Variants in ARSG observed in about 807,000 individuals in gnomAD.
ARSG encodes the protein arylsulfatase G.
ARSG carries 37 observed loss-of-function variants against 50.5 expected under a neutral mutation model. The observed-to-expected ratio is 0.73, with a 90% CI of 0.56 to 0.96. The LOEUF (loss-of-function observed/expected upper bound fraction) is 0.96, where lower values mean the gene tolerates loss of function less well. Among genes scored for constraint, ARSG ranks in the 50% least tolerant of loss-of-function variants. The pLI is 0.00. For synonymous variants in ARSG, 225 were observed against 254.6 expected, an observed-to-expected ratio of 0.88 and a Z score of 1.11; for missense variants, 629 against 675.3, an observed-to-expected ratio of 0.93 and a Z score of 0.76.
chr17:68,279,233 G>A (rs2075619064), intron 1 of ARSG, among the ~76,000 whole-genome samples: 1 of 152,018 alleles, frequency 6.6e-6, no homozygotes, highest in Admixed American at 6.6e-5. Context: ...CATTGGCGGT[G>A]CATCCAGCAC....
intron 5 of ARSG, among the ~76,000 whole-genome samples, chr17:68,352,825 C>G (rs983832698): frequency 1.2e-4 from 18 of 152,016 alleles, no homozygotes; most frequent in Non-Finnish European, 2.6e-4. Flanking sequence ...TCTTTCTCCA[C>G]TTTCTCTTTA....
In ARSG at chr17:68,343,146, T is replaced by G. The variant is rs780363714; in HGVS notation, c.219-458T>G. ...CTGAAACCCAGAAATCCTATTTCCT[T>G]TTTTTGTTTTGTTTTGTTTTCTTTT... On this transcript the variant is annotated intron_variant, in intron 2 of 11. Transcript: ENST00000621439. Among the ~76,000 whole-genome samples the G allele has an allele frequency of 5.3e-4, 81 of 152,168 alleles. 1 individual carries two copies. Among genetic ancestry groups the G allele is most frequent in the Non-Finnish European group, 8.4e-4 (57 of 67,984 alleles).
At chr17:68,331,253 C>CTTTG in intron 2 of ARSG, among the ~76,000 whole-genome samples, 1 of 124,240 alleles carries the variant, frequency 8.0e-6, no homozygotes, top group Admixed American at 8.2e-5. Context: ...TTCTTTCTTT[C>CTTTG]TTTCTTTCTT....
the ARSG span, chr17:68,428,765 G>T: frequency 7.7e-7 from 1 of 1,304,794 alleles, no homozygotes; most frequent in African/African-American, 1.5e-5. Context: ...GTCGTTCTTG[G>T]CGAAGGGACA....
rs1348266984 is a variant in ARSG, at chr17:68,396,523, C to T, written c.1212+1330C>T. Reference sequence around the variant, plus strand: ...GAGGAAGCAGGAGGAGGCAAGGAGGCGGAAGGAGCACAGAGTCCCCTCTGC... The same window carrying T: ...GAGGAAGCAGGAGGAGGCAAGGAGGTGGAAGGAGCACAGAGTCCCCTCTGC... On this transcript the variant is annotated intron_variant, in intron 10 of 11. Coordinates refer to ENST00000621439, the MANE Select transcript of ARSG (RefSeq NM_001267727.2). Among the ~76,000 whole-genome samples the T allele has an allele frequency of 2.0e-5, 3 of 152,102 alleles. No individual in the cohort carries two copies. In the South Asian group the frequency reaches 6.2e-4, roughly 32 times the overall value.
chr17:68,276,928 G>A (rs551468838), intron 1 of ARSG, among the ~76,000 whole-genome samples: 1 of 152,272 alleles, frequency 6.6e-6, no homozygotes, highest in South Asian at 2.1e-4. Context: ...TTTATTTTAT[G>A]CGATTGGGTC....
intron 5 of ARSG, among the ~76,000 whole-genome samples, chr17:68,352,309 T>C (rs2078835862): frequency 6.8e-6 from 1 of 147,760 alleles, no homozygotes; most frequent in African/African-American, 2.5e-5. Flanking sequence ...AAACATTTAA[T>C]GAAATGGGAA....
chr17:68,300,956 A>C (rs1239581396), intron 1 of ARSG, among the ~76,000 whole-genome samples: 1 of 151,936 alleles, frequency 6.6e-6, no homozygotes, highest in African/African-American at 2.4e-5. Flanking sequence ...GTCTCTACTA[A>C]AAATACAAAA....
At chr17:68,264,792 A>AGG (rs1818810747) in intron 1 of ARSG, among the ~76,000 whole-genome samples, 1 of 152,144 alleles carries the variant, frequency 6.6e-6, no homozygotes, top group South Asian at 2.1e-4. Context: ...AGTCTACATA[A>AGG]GGTTTATACT....
chr17:68,442,420 G>GCAC, the ARSG span, among the ~76,000 whole-genome samples: 79 of 148,422 alleles, frequency 5.3e-4, 1 homozygote, highest in African/African-American at 1.8e-3. Flanking sequence ...AGCTGAGATT[G>GCAC]CACCACCTCA....
the ARSG span, chr17:68,430,238 T>C: frequency 6.9e-7 from 1 of 1,448,048 alleles, no homozygotes. Flanking sequence ...CACCCAAGCG[T>C]CATTAGCCAC....
chr17:68,324,465 C>A (rs1282130192), intron 2 of ARSG, among the ~76,000 whole-genome samples: 1 of 152,192 alleles, frequency 6.6e-6, no homozygotes, highest in East Asian at 1.9e-4. Flanking sequence ...TGCGGACCGG[C>A]CCAGCTCCAG....
intron 8 of ARSG, among the ~76,000 whole-genome samples, chr17:68,376,277 ATT>A (rs386386490): frequency 1.6e-5 from 2 of 125,054 alleles, no homozygotes; most frequent in East Asian, 2.4e-4. Flanking sequence ...CGCCCCCTGC[ATT>A]TTTTTTTTTT....
chr17:68,272,594 C>T (rs782366190), intron 1 of ARSG: 3 of 1,597,288 alleles, frequency 1.9e-6, no homozygotes, highest in South Asian at 2.2e-5. Context: ...ACCTGAGTGA[C>T]GTCTCTCATC....
chr17:68,351,294 G>A (rs775655953), intron 4 of ARSG, among the ~76,000 whole-genome samples: 13 of 150,580 alleles, frequency 8.6e-5, no homozygotes, highest in African/African-American at 1.5e-4. Flanking sequence ...CCATAATTTC[G>A]TTGAAGATGT....
chr17:68,442,360 G>A, the ARSG span, among the ~76,000 whole-genome samples: 1 of 151,758 alleles, frequency 6.6e-6, no homozygotes, highest in Admixed American at 6.6e-5. Flanking sequence ...AGCTACTCAG[G>A]AGGCTGAGGA....
intron 2 of ARSG, among the ~76,000 whole-genome samples, chr17:68,324,308 G>T (rs2077415540): frequency 6.6e-6 from 1 of 152,104 alleles, no homozygotes. Flanking sequence ...TGGGTCGTGG[G>T]CATTCCTGCC....
At chr17:68,423,997 C>T (rs1404871340), downstream of ARSG, among the ~76,000 whole-genome samples, 3 of 152,124 alleles carry the variant, frequency 2.0e-5, no homozygotes, top group East Asian at 5.8e-4. The surrounding 1 kb of genome is among the most constrained non-coding windows in gnomAD (Gnocchi z 4.4). Context: ...TCACATTTGT[C>T]CCCACGGTGT....
At chr17:68,439,998 G>A in the ARSG span, among the ~76,000 whole-genome samples, 5 of 152,168 alleles carry the variant, frequency 3.3e-5, no homozygotes, top group African/African-American at 1.2e-4. Context: ...TTCCCAGAAG[G>A]GAAGAAACGT....
Sources: gnomAD v4.1 joint callset for allele counts (sites outside exome capture counted in the v4.1 genomes callset) on GRCh38, gnomAD v4.1.1 for gene constraint, Gnocchi (gnomAD v3.1) non-coding constraint, MANE v1.5 for transcripts, NCBI Gene and HGNC (gene_info 2026-07-23, HGNC 2026-07-21) for gene names.